Variants in ANO2 observed in about 807,000 individuals in gnomAD.
The protein encoded by ANO2 is anoctamin-2.
A neutral mutation model predicts 124.2 loss-of-function variants in ANO2; 101 were observed. The ratio of observed to expected loss-of-function variants is 0.81; its 90% CI spans 0.69 to 0.96. The LOEUF (loss-of-function observed/expected upper bound fraction) is 0.96. ANO2 is among the 40% of genes least tolerant of loss of function. The pLI, the probability that ANO2 is intolerant of heterozygous loss-of-function variation, is 0.00. For synonymous variants in ANO2, 486 were observed against 482.5 expected, an observed-to-expected ratio of 1.01 and a Z score of -0.09; for missense variants, 1,293 against 1,274.5, an observed-to-expected ratio of 1.01 and a Z score of -0.22.
intron 14 of ANO2, among the ~76,000 whole-genome samples, chr12:5,688,139 C>G (rs1347117459): frequency 1.3e-5 from 2 of 152,120 alleles, no homozygotes; most frequent in Admixed American, 6.5e-5. Flanking sequence ...AAAATGAAAC[C>G]TAGAAACAAC....
At chr12:5,823,672 G>A (rs1256176288) in intron 7 of ANO2, among the ~76,000 whole-genome samples, 2 of 152,208 alleles carry the variant, frequency 1.3e-5, no homozygotes, top group African/African-American at 2.4e-5. Context: ...CTACTATTCT[G>A]GGTTCTGGAG....
rs185395787 is a variant in ANO2 at position 5,862,500 on chromosome 12, C to T, written c.535-8359G>A. Among the ~76,000 whole-genome samples the T allele has an allele frequency of 6.6e-6, 1 of 152,298 alleles. No homozygotes were observed. Among genetic ancestry groups the T allele is most frequent in the East Asian group, 1.9e-4 (1 of 5,176 alleles). On this transcript the variant is annotated intron_variant, in intron 3 of 24. Transcript: ENST00000682330. The surrounding 1 kb of genome is among the most constrained non-coding windows in gnomAD (Gnocchi z 4.0). ...CACAGTCTCCACTCCGTGTATCACA[C>T]ATCATTGCACTCCAACCAGAGGCAG...
At chr12:5,684,889 GGCTCT>G (rs1322915114) in intron 14 of ANO2, among the ~76,000 whole-genome samples, 2 of 152,174 alleles carry the variant, frequency 1.3e-5, no homozygotes, top group Non-Finnish European at 2.9e-5. Flanking sequence ...TGCAAATTCT[GGCTCT>G]ACTGCTTATT....
chr12:5,897,856 A>G (rs931415149), intron 3 of ANO2, among the ~76,000 whole-genome samples: 2 of 152,196 alleles, frequency 1.3e-5, no homozygotes, highest in South Asian at 2.1e-4. Context: ...ATAATTTCTT[A>G]AACAGAATAC....
intron 13 of ANO2, among the ~76,000 whole-genome samples, chr12:5,734,060 G>A (rs995253759): frequency 7.9e-5 from 12 of 152,078 alleles, no homozygotes; most frequent in Admixed American, 5.9e-4. Flanking sequence ...ACCTTCATCC[G>A]TTCTCCAACA....
chr12:5,818,783 G>A (rs1953694461), intron 7 of ANO2, among the ~76,000 whole-genome samples: 1 of 152,052 alleles, frequency 6.6e-6, no homozygotes, highest in South Asian at 2.1e-4. Flanking sequence ...CTCATGACAG[G>A]CAAGGAGATT....
rs116092080 is a variant in ANO2, at chr12:5,916,573, T to G, written c.534+4467A>C. On this transcript the variant is annotated intron_variant, in intron 3 of 24. Transcript: ENST00000682330. ...TTTAGTTAATGATAATGTGTCAGTATTAGTTCATTAACTGTAACAAATGTA... is the reference window on the plus strand; with the variant it reads ...TTTAGTTAATGATAATGTGTCAGTAGTAGTTCATTAACTGTAACAAATGTA... Among the ~76,000 whole-genome samples, 308 of 151,436 alleles carry G rather than the reference T, an allele frequency of 2.0e-3. 2 individuals carry two copies. The highest frequency in any genetic ancestry group is 6.7e-3 in the African/African-American group (277 of 41,286).
intron 4 of ANO2, among the ~76,000 whole-genome samples, chr12:5,840,811 T>C (rs1430011431): frequency 6.6e-6 from 1 of 152,180 alleles, no homozygotes; most frequent in Non-Finnish European, 1.5e-5. Context: ...TTATTGATGC[T>C]TTCCTCTGCT....
chr12:5,635,180 G>A lies in ANO2; in HGVS notation c.1788C>T (p.Gly596=), dbSNP rs373059086. ...TTTTGGTGAGCCACTTGGCCACAGC[G>A]CCGTAGATCTCGTCCAGGATGAGGA... The part of the protein sequence containing the change: ...VVILILDEIY[G]AVAKWLTKIE... Residue 596 remains glycine (G), a synonymous_variant, in exon 16 of 25, where the codon GGC becomes GGT. Coordinates refer to ENST00000682330, the MANE Select transcript of ANO2 (RefSeq NM_001364791.2). The surrounding 1 kb of genome is among the most constrained non-coding windows in gnomAD (Gnocchi z 5.2). 76 of 1,597,922 alleles carry A rather than the reference G, an allele frequency of 4.8e-5. No homozygotes were observed. The African/African-American group carries it at 6.7e-4, about 14-fold the overall frequency.
chr12:5,606,083 G>A (rs1944207429), intron 19 of ANO2, among the ~76,000 whole-genome samples: 1 of 152,188 alleles, frequency 6.6e-6, no homozygotes, highest in South Asian at 2.1e-4. Flanking sequence ...TCCCTTTGAA[G>A]CATTTTGTTT....
In ANO2 at chr12:5,941,135, A is replaced by C. The variant is rs534358160; in HGVS notation, c.22+4061T>G. 2.0e-5 allele frequency among the ~76,000 whole-genome samples: 3 copies of C among 152,314 alleles called. No homozygotes were observed. The South Asian group carries it at 6.2e-4, about 32-fold the overall frequency. On this transcript the variant is annotated intron_variant, in intron 1 of 24. Coordinates refer to ENST00000682330, the MANE Select transcript of ANO2 (RefSeq NM_001364791.2). ...AAATGAGCAACTGCCATTGAGTGTG[A>C]AGTTTCTCTTTAGGATGATGCAAAT...
chr12:5,724,032 G>A (rs927194423), intron 14 of ANO2, among the ~76,000 whole-genome samples: 5 of 152,042 alleles, frequency 3.3e-5, no homozygotes, highest in African/African-American at 1.2e-4. Flanking sequence ...TCATGCAGGC[G>A]TACAGGAGAG....
intron 14 of ANO2, among the ~76,000 whole-genome samples, chr12:5,690,185 G>A (rs531609494): frequency 2.6e-4 from 39 of 152,188 alleles, no homozygotes; most frequent in African/African-American, 7.2e-4. Flanking sequence ...GATTGAAGGC[G>A]GACACCAACA....
intron 7 of ANO2, among the ~76,000 whole-genome samples, chr12:5,823,653 T>C (rs1953873500): frequency 6.6e-6 from 1 of 152,210 alleles, no homozygotes; most frequent in Non-Finnish European, 1.5e-5. Flanking sequence ...GCGCAAGCTG[T>C]CAGTGGATCT....
intron 14 of ANO2, among the ~76,000 whole-genome samples, chr12:5,673,013 C>G (rs532423555): frequency 6.6e-6 from 1 of 152,312 alleles, no homozygotes; most frequent in East Asian, 1.9e-4. Context: ...ATCTATGTCT[C>G]CATCTGCCCA....
intron 10 of ANO2, among the ~76,000 whole-genome samples, chr12:5,776,070 T>C (rs1042124660): frequency 6.6e-6 from 1 of 152,166 alleles, no homozygotes; most frequent in Non-Finnish European, 1.5e-5. Context: ...TCCAAACCAA[T>C]CAGTCCTTCC....
chr12:5,742,417 C>T (rs1281115880), intron 12 of ANO2, among the ~76,000 whole-genome samples: 28 of 147,584 alleles, frequency 1.9e-4, no homozygotes, highest in Admixed American at 1.9e-3. Flanking sequence ...AGCTCTGGCG[C>T]AATCTCACCC....
intron 7 of ANO2, among the ~76,000 whole-genome samples, chr12:5,816,753 T>C (rs1166030488): frequency 6.6e-6 from 1 of 152,174 alleles, no homozygotes; most frequent in Admixed American, 6.5e-5. Flanking sequence ...GACATACACA[T>C]GGACATTAAT....
At chr12:5,755,188 T>C (rs1951541187) in intron 10 of ANO2, among the ~76,000 whole-genome samples, 2 of 151,620 alleles carry the variant, frequency 1.3e-5, no homozygotes, top group Admixed American at 1.3e-4. Flanking sequence ...GATTGGCAGG[T>C]TTTTTAAATT....
Sources: gnomAD v4.1 joint callset for allele counts (sites outside exome capture counted in the v4.1 genomes callset) on GRCh38, gnomAD v4.1.1 for gene constraint, Gnocchi (gnomAD v3.1) non-coding constraint, MANE v1.5 for transcripts, NCBI Gene and HGNC (gene_info 2026-07-23, HGNC 2026-07-21) for gene names.